NALCN: variants seen among roughly 807,000 people sequenced by gnomAD.
NALCN encodes the protein sodium leak channel NALCN.
NALCN carries 111 observed loss-of-function variants against 225.3 expected under a neutral mutation model. The ratio of observed to expected loss-of-function variants is 0.49; its 90% confidence interval spans 0.42 to 0.58. The LOEUF (loss-of-function observed/expected upper bound fraction) is 0.58. NALCN is among the 20% of genes least tolerant of loss of function. The pLI is 0.00. For synonymous variants in NALCN, 764 were observed against 769.0 expected, an observed-to-expected ratio of 0.99 and a Z score of 0.11; for missense variants, 1,378 against 2,202.4, an observed-to-expected ratio of 0.63 and a Z score of 7.49.
intron 13 of NALCN, among the ~76,000 whole-genome samples, chr13:101,228,003 C>T (rs1023918918): frequency 1.3e-5 from 2 of 152,142 alleles, no homozygotes; most frequent in Non-Finnish European, 2.9e-5. Flanking sequence ...ATCGGCCTTG[C>T]CTCTGTGTCC....
intron 3 of NALCN, among the ~76,000 whole-genome samples, chr13:101,390,696 T>C (rs2047119445): frequency 6.6e-6 from 1 of 152,112 alleles, no homozygotes; most frequent in Non-Finnish European, 1.5e-5. Context: ...GCAGTAACAT[T>C]TTATGCTGCT....
intron 15 of NALCN, among the ~76,000 whole-genome samples, chr13:101,147,614 G>A (rs1433940180): frequency 6.6e-6 from 1 of 152,082 alleles, no homozygotes; most frequent in Non-Finnish European, 1.5e-5. Context: ...ATGTTGCCCA[G>A]GCTGGCCTCA....
At chr13:101,313,712 A>G (rs899536977) in intron 7 of NALCN, among the ~76,000 whole-genome samples, 6 of 152,210 alleles carry the variant, frequency 3.9e-5, no homozygotes, top group Non-Finnish European at 7.3e-5. Context: ...CACTGTTGGT[A>G]GGACTATAAA....
At chr13:101,329,727 A>T (rs1173598328) in intron 7 of NALCN, among the ~76,000 whole-genome samples, 3 of 152,178 alleles carry the variant, frequency 2.0e-5, no homozygotes, top group African/African-American at 7.2e-5. Context: ...TTGCATCATT[A>T]CATGGGAATC....
chr13:101,147,573 CT>C, intron 15 of NALCN, among the ~76,000 whole-genome samples: 1 of 152,078 alleles, frequency 6.6e-6, no homozygotes, highest in Non-Finnish European at 1.5e-5. Context: ...AAAATATAAA[CT>C]TTTCTTTTTT....
chr13:101,159,305 AGAG>A (rs2038049769), intron 15 of NALCN, among the ~76,000 whole-genome samples: 1 of 152,198 alleles, frequency 6.6e-6, no homozygotes, highest in African/African-American at 2.4e-5. Flanking sequence ...GACTATTCTC[AGAG>A]GAGATTACTT....
At chr13:101,182,782 T>G (rs769035647) in intron 14 of NALCN, among the ~76,000 whole-genome samples, 3 of 152,092 alleles carry the variant, frequency 2.0e-5, no homozygotes, top group Admixed American at 6.5e-5. Context: ...AACAGAAGAT[T>G]CAGGAGGTGC....
intron 18 of NALCN, among the ~76,000 whole-genome samples, chr13:101,118,169 TG>T (rs1474983944): frequency 6.6e-6 from 1 of 152,098 alleles, no homozygotes; most frequent in African/African-American, 2.4e-5. Flanking sequence ...AGACTGTGCC[TG>T]TGTGGGGGCA....
chr13:101,374,337 G>C (rs928763739), intron 6 of NALCN, among the ~76,000 whole-genome samples: 2 of 147,936 alleles, frequency 1.4e-5, no homozygotes, highest in Non-Finnish European at 3.0e-5. Flanking sequence ...GTGCAGTGGC[G>C]CGATCTCAGC....
chr13:101,243,092 GT>G (rs68186736), intron 11 of NALCN, among the ~76,000 whole-genome samples: 40,478 of 73,972 alleles, frequency 0.55, 16,115 homozygotes, highest in African/African-American at 0.68. Flanking sequence ...GCAGATTTAT[GT>G]TTTTTTTTTT....
At chr13:101,250,601 G>A (rs1039970633) in intron 11 of NALCN, among the ~76,000 whole-genome samples, 1 of 151,890 alleles carries the variant, frequency 6.6e-6, no homozygotes, top group Non-Finnish European at 1.5e-5. Flanking sequence ...CAAATGTATT[G>A]GAGTCTAAAA....
At chr13:101,149,535 A>T (rs2037531980) in intron 15 of NALCN, among the ~76,000 whole-genome samples, 1 of 152,208 alleles carries the variant, frequency 6.6e-6, no homozygotes, top group African/African-American at 2.4e-5. Flanking sequence ...CATTCTAGGG[A>T]GTAGAAATAG....
chr13:101,072,400 A>T (rs1029439408), intron 37 of NALCN, among the ~76,000 whole-genome samples: 1 of 152,200 alleles, frequency 6.6e-6, no homozygotes, highest in African/African-American at 2.4e-5. Flanking sequence ...ATGGGATGCT[A>T]TGGAATAGCA....
intron 27 of NALCN, 43 bp downstream of exon 27, chr13:101,100,741 G>T: frequency 2.0e-6 from 3 of 1,511,972 alleles, no homozygotes; most frequent in South Asian, 1.2e-5. Flanking sequence ...CACCACACTT[G>T]GCCCTTAATT....
intron 25 of NALCN, among the ~76,000 whole-genome samples, chr13:101,103,545 A>G (rs992319952): frequency 3.1e-5 from 4 of 129,612 alleles, no homozygotes; most frequent in African/African-American, 1.3e-4. Flanking sequence ...CAGGAAAGAA[A>G]TGGGGGTGTC....
At chr13:101,100,955 T>G (rs776333079) in intron 26 of NALCN, 67 bp from the exon 27 acceptor site, 196 of 1,270,910 alleles carry the variant, frequency 1.5e-4, no homozygotes, top group Non-Finnish European at 2.0e-4. Flanking sequence ...GTTTAAACAG[T>G]GACATAAATA....
chr13:101,184,330 A>G (rs895262627), intron 14 of NALCN, among the ~76,000 whole-genome samples: 1 of 152,096 alleles, frequency 6.6e-6, no homozygotes, highest in Non-Finnish European at 1.5e-5. Flanking sequence ...CAAAAGCGTA[A>G]TTTTCCAGGT....
chr13:101,160,672 T>C (rs554338045), intron 15 of NALCN, among the ~76,000 whole-genome samples: 2 of 152,206 alleles, frequency 1.3e-5, no homozygotes, highest in Admixed American at 6.5e-5. Flanking sequence ...TTTTGTTTTT[T>C]TTTATGAAGG....
At chr13:101,149,153 C>T (rs1161359245) in intron 15 of NALCN, among the ~76,000 whole-genome samples, 7 of 151,942 alleles carry the variant, frequency 4.6e-5, no homozygotes, top group Non-Finnish European at 8.8e-5. Context: ...ATTAGCTGGG[C>T]GTGGTGGCAG....
Sources: gnomAD v4.1 joint callset for allele counts (sites outside exome capture counted in the v4.1 genomes callset) on GRCh38, gnomAD v4.1.1 for gene constraint, MANE v1.5 for transcripts, NCBI Gene and HGNC (gene_info 2026-07-23, HGNC 2026-07-21) for gene names.